The following RSF1 variants were observed in gnomAD, a reference collection of about 807,000 sequenced individuals.
RSF1 encodes HBV pX-associated protein 8.
In RSF1, 13 loss-of-function variants were observed where a neutral mutation model predicts 145.2. The observed-to-expected ratio is 0.09, with a 90% CI of 0.06 to 0.14. RSF1 has a LOEUF of 0.14. Among genes scored for constraint, RSF1 ranks in the 10% least tolerant of loss-of-function variants. RSF1 has a pLI of 1.00. For synonymous variants in RSF1, 577 were observed against 592.6 expected (o/e 0.97, Z 0.38); for missense variants, 1,517 against 1,718.2 (o/e 0.88, Z 2.07).
the RSF1 span, among the ~76,000 whole-genome samples, chr11:77,860,902 A>G: frequency 3.9e-5 from 6 of 152,144 alleles, no homozygotes; most frequent in Admixed American, 3.3e-4. Context: ...GAGATCTTGC[A>G]CTAACGTTCA....
At chr11:77,779,601 C>T (rs1456489758) in intron 1 of RSF1, among the ~76,000 whole-genome samples, 1 of 152,036 alleles carries the variant, frequency 6.6e-6, no homozygotes, top group African/African-American at 2.4e-5. Flanking sequence ...AGGCTGGTCT[C>T]GAACTCTTGA....
At chr11:77,813,412 A>G in intron 1 of RSF1, 1 of 1,227,550 alleles carries the variant, frequency 8.1e-7, no homozygotes, top group Non-Finnish European at 1.2e-6. Flanking sequence ...GTGCAAGTCA[A>G]TGAGTCGCTT....
At chr11:77,710,547 T>G (rs1433641878) in intron 5 of RSF1, among the ~76,000 whole-genome samples, 11 of 152,230 alleles carry the variant, frequency 7.2e-5, no homozygotes, top group Admixed American at 7.2e-4. Flanking sequence ...CATGTTCCTC[T>G]GTTCTTTGTT....
At chr11:77,677,457 C>T (rs994981907) in intron 12 of RSF1, among the ~76,000 whole-genome samples, 18 of 152,168 alleles carry the variant, frequency 1.2e-4, no homozygotes, top group Admixed American at 1.1e-3. Context: ...TTTTTAAAAA[C>T]AGTGTTTGCA....
At chr11:77,761,966 C>G (rs1205640448) in intron 2 of RSF1, 1 of 150,380 alleles carries the variant, frequency 6.6e-6, no homozygotes, top group Non-Finnish European at 1.5e-5. Context: ...TCTTGCATAG[C>G]TGGTACTACA....
intron 5 of RSF1, among the ~76,000 whole-genome samples, chr11:77,719,139 C>T (rs887112918): frequency 6.6e-6 from 1 of 152,074 alleles, no homozygotes; most frequent in Non-Finnish European, 1.5e-5. Flanking sequence ...CCCAGCGAGG[C>T]AGGAGGATCC....
chr11:77,777,427 A>C (rs1463735275), intron 1 of RSF1, among the ~76,000 whole-genome samples: 3 of 151,942 alleles, frequency 2.0e-5, no homozygotes, highest in South Asian at 2.1e-4. Context: ...CCCTGTCGCT[A>C]ATAAAAATAT....
intron 10 of RSF1, among the ~76,000 whole-genome samples, chr11:77,684,818 T>G (rs1276972740): frequency 6.6e-6 from 1 of 152,036 alleles, no homozygotes; most frequent in Non-Finnish European, 1.5e-5. Flanking sequence ...TGAAACCCCG[T>G]CTGTACTAAA....
At chr11:77,705,770 T>C (rs548524335) in intron 5 of RSF1, among the ~76,000 whole-genome samples, 12 of 151,978 alleles carry the variant, frequency 7.9e-5, no homozygotes, top group African/African-American at 2.7e-4. Context: ...CGTGGGAGGA[T>C]TGCTTGAGCC....
At chr11:77,677,210 T>TA in intron 12 of RSF1, 1 of 540,794 alleles carries the variant, frequency 1.8e-6, no homozygotes, top group Non-Finnish European at 3.2e-6. Context: ...GTTTACTATG[T>TA]AGGGAACCTC....
At chr11:77,722,524 T>TA (rs1436504682) in intron 5 of RSF1, among the ~76,000 whole-genome samples, 1 of 152,136 alleles carries the variant, frequency 6.6e-6, no homozygotes, top group East Asian at 1.9e-4. Context: ...CCCAGCATAT[T>TA]AAAGTTTGAG....
intron 1 of RSF1, among the ~76,000 whole-genome samples, chr11:77,804,565 G>A (rs1179765939): frequency 2.6e-5 from 4 of 152,148 alleles, no homozygotes; most frequent in Non-Finnish European, 5.9e-5. Context: ...AGCCAGCCAC[G>A]GTGGCTCACG....
chr11:77,756,690 T>C (rs760516807), intron 2 of RSF1, among the ~76,000 whole-genome samples: 5 of 152,168 alleles, frequency 3.3e-5, no homozygotes, highest in African/African-American at 7.2e-5. Context: ...TAACAACCCT[T>C]AGATTGAAAG....
At position 77,814,209 on chromosome 11, in the gene RSF1, A is replaced by AAGT. The variant is rs150178021; in HGVS notation, c.187+6316_187+6318dup. On this transcript the variant is annotated intron_variant, in intron 1 of 15. Transcript: ENST00000308488. ...AGCGAGACTGTCTCAAAAAAAAAAAAAGTTTTGGCCACAAGTGGTGACTCA... is the reference window on the plus strand; with the variant it reads ...AGCGAGACTGTCTCAAAAAAAAAAAAAGTAGTTTTGGCCACAAGTGGTGACTCA... Among the ~76,000 whole-genome samples, 39 of 4,754 alleles carry AAGT rather than the reference A, an allele frequency of 8.2e-3. 1 individual carries two copies. In the East Asian group the frequency reaches 0.33, roughly 40 times the overall value. 3.1% of individuals were successfully genotyped at this position (4,754 alleles called of 152,430 possible).
chr11:77,741,381 A>G (rs1947935037), intron 3 of RSF1, among the ~76,000 whole-genome samples: 1 of 152,096 alleles, frequency 6.6e-6, no homozygotes, highest in South Asian at 2.1e-4. Context: ...TGTCTCTACA[A>G]AAAATACAAA....
chr11:77,756,523 G>A lies in RSF1; in HGVS notation c.279+8075C>T, dbSNP rs1370244946. Among the ~76,000 whole-genome samples, 3 of 151,864 alleles carry A rather than the reference G, an allele frequency of 2.0e-5. No homozygotes were observed. In the East Asian group the frequency reaches 5.8e-4, roughly 29 times the overall value. On this transcript the variant is annotated intron_variant, in intron 2 of 15. Transcript: ENST00000308488. Reference sequence around the variant, plus strand: ...ATTCCACAAACATTTACTATGTGCCGACTATGTGGCCGGAACTAGACAAAC... The same window carrying A: ...ATTCCACAAACATTTACTATGTGCCAACTATGTGGCCGGAACTAGACAAAC...
chr11:77,807,567 C>T (rs1395096975), intron 1 of RSF1, among the ~76,000 whole-genome samples: 1 of 152,188 alleles, frequency 6.6e-6, no homozygotes, highest in Non-Finnish European at 1.5e-5. Context: ...AAACGAAAGA[C>T]AGATGAAGTG....
chr11:77,700,001 G>T (rs1228997236), intron 6 of RSF1, among the ~76,000 whole-genome samples: 3 of 152,076 alleles, frequency 2.0e-5, no homozygotes, highest in Non-Finnish European at 4.4e-5. Context: ...GAACATATTT[G>T]ATCCAATTTC....
rs1187957756 is a variant in RSF1, at chr11:77,663,855, C to T, written c.*3062G>A. ...AAATATACTGAATATTAATCTACAT[C>T]TCCCTTTAATACATTAGCTACAGTC... On this transcript the variant is annotated 3_prime_UTR_variant, in exon 16 of 16. Transcript: ENST00000308488. 1 of 152,140 alleles carries T rather than the reference C, an allele frequency of 6.6e-6. No individual in the cohort carries two copies. Among genetic ancestry groups the T allele is most frequent in the Non-Finnish European group, 1.5e-5 (1 of 68,020 alleles). The allele number at this position is 152,140 out of a possible 1,614,324, so 9.4% of individuals were successfully genotyped here.
Sources: gnomAD v4.1 joint callset for allele counts (sites outside exome capture counted in the v4.1 genomes callset) on GRCh38, gnomAD v4.1.1 for gene constraint, MANE v1.5 for transcripts, NCBI Gene and HGNC (gene_info 2026-07-23, HGNC 2026-07-21) for gene names.